The following SPTLC3 variants were observed in gnomAD, a reference collection of about 807,000 sequenced individuals.
SPTLC3 encodes the protein serine palmitoyltransferase long chain base subunit 3.
In SPTLC3, 36 loss-of-function variants were observed where a neutral mutation model predicts 59.3. The observed-to-expected ratio is 0.61, with a 90% confidence interval of 0.47 to 0.80. The LOEUF (loss-of-function observed/expected upper bound fraction) is 0.80, where lower values mean the gene tolerates loss of function less well. SPTLC3 is among the 30% of genes least tolerant of loss of function. The probability of loss-of-function intolerance (pLI) is 0.00; values close to 1 mark genes in which losing one functional copy is unlikely to be tolerated. For missense variants in SPTLC3, 625 were observed against 685.1 expected, an observed-to-expected ratio of 0.91 and a Z score of 0.98; for synonymous variants, 257 against 240.8, an observed-to-expected ratio of 1.07 and a Z score of -0.62.
chr20:13,114,561 A>G (rs1990429016), intron 7 of SPTLC3, among the ~76,000 whole-genome samples: 1 of 152,222 alleles, frequency 6.6e-6, no homozygotes. Context: ...TCAGAATACC[A>G]TTTACTCTAA....
chr20:13,116,185 G>T (rs1262056016), intron 7 of SPTLC3, among the ~76,000 whole-genome samples: 1 of 152,108 alleles, frequency 6.6e-6, no homozygotes, highest in Non-Finnish European at 1.5e-5. Context: ...CAGCTGGACT[G>T]TTTTGACTGA....
At position 13,168,576 on chromosome 20, in the gene SPTLC3, G is replaced by A. The variant is rs2039013539; in HGVS notation, c.*3709G>A. ...TTATTCCAACAACAGCTCTTCAGTA[G>A]GGTAAAAGTCTTAACAGTTCTTCAA... On this transcript the variant is annotated 3_prime_UTR_variant, in exon 12 of 12. Transcript: ENST00000399002. 6.6e-6 allele frequency: 1 copy of A among 152,130 alleles called. No individual in the cohort carries two copies. The highest frequency in any genetic ancestry group is 6.5e-5 in the Admixed American group (1 of 15,274). The allele number at this position is 152,130 out of a possible 1,614,324, so 9.4% of individuals were successfully genotyped here.
intron 5 of SPTLC3, among the ~76,000 whole-genome samples, chr20:13,093,228 T>A (rs1989291855): frequency 1.3e-5 from 2 of 152,244 alleles, no homozygotes; most frequent in African/African-American, 4.8e-5. Flanking sequence ...GGATCTTGGA[T>A]GAACTTCTCT....
chr20:13,102,523 T>C (rs1989640453), intron 6 of SPTLC3, among the ~76,000 whole-genome samples: 1 of 152,158 alleles, frequency 6.6e-6, no homozygotes, highest in Non-Finnish European at 1.5e-5. Flanking sequence ...CGCTACCTCC[T>C]TTCCTGGCCT....
chr20:13,155,999 C>T (rs1176331390), intron 10 of SPTLC3, among the ~76,000 whole-genome samples: 1 of 152,006 alleles, frequency 6.6e-6, no homozygotes, highest in Non-Finnish European at 1.5e-5. Flanking sequence ...GGGTTGACAA[C>T]AGTGATTGAA....
chr20:13,095,312 T>C (rs972589533), intron 6 of SPTLC3, among the ~76,000 whole-genome samples: 1 of 152,168 alleles, frequency 6.6e-6, no homozygotes, highest in African/African-American at 2.4e-5. Context: ...TGTTATCTCT[T>C]TGGAACAGAT....
At chr20:13,047,741 CAG>C (rs909145526) in intron 1 of SPTLC3, among the ~76,000 whole-genome samples, 7 of 151,978 alleles carry the variant, frequency 4.6e-5, no homozygotes, top group Admixed American at 2.6e-4. Context: ...TGAAATAAAA[CAG>C]AAAATTTTTT....
At position 13,049,036 on chromosome 20, in the gene SPTLC3, A is replaced by G; in HGVS notation, c.209A>G (p.Tyr70Cys). ...GTTATGGTTTTCACTTACATGGGATATGGAATTGGAACCCTGTTTGGCTAT... is the reference window on the plus strand; with the variant it reads ...GTTATGGTTTTCACTTACATGGGATGTGGAATTGGAACCCTGTTTGGCTAT... ...LHVMVFTYMG[Y>C]GIGTLFGYLR... The change falls in exon 2 of 12, where the codon TAT (tyrosine) becomes TGT (cysteine). Residue 70 changes from tyrosine to cysteine, a missense_variant. Physicochemically the swap from Tyr to Cys is radical, Grantham distance 194 (BLOSUM62 -2). Transcript: ENST00000399002. 5 of 1,613,838 alleles carry G rather than the reference A, an allele frequency of 3.1e-6. No homozygotes were observed. The highest frequency in any genetic ancestry group is 4.2e-6 in the Non-Finnish European group (5 of 1,179,852).
chr20:13,026,087 C>A (rs537606314), intron 1 of SPTLC3, among the ~76,000 whole-genome samples: 1 of 152,302 alleles, frequency 6.6e-6, no homozygotes, highest in South Asian at 2.1e-4. Flanking sequence ...CATAGTGTTC[C>A]ATGGTGTATG....
chr20:13,154,265 T>G, intron 10 of SPTLC3, 127 bp downstream of exon 10: 2 of 1,225,300 alleles, frequency 1.6e-6, no homozygotes, highest in South Asian at 1.5e-5. Flanking sequence ...TCGTACGGCT[T>G]CTCGGAAGCC....
At chr20:13,048,051 C>A (rs988350515) in intron 1 of SPTLC3, among the ~76,000 whole-genome samples, 11 of 152,090 alleles carry the variant, frequency 7.2e-5, no homozygotes, top group African/African-American at 2.7e-4. Context: ...GAATAACAGG[C>A]TTTAACTGAC....
chr20:13,025,601 A>C (rs1487205475), intron 1 of SPTLC3, among the ~76,000 whole-genome samples: 1 of 152,296 alleles, frequency 6.6e-6, no homozygotes, highest in East Asian at 1.9e-4. Flanking sequence ...AATTCTCTAC[A>C]AATGTGCACT....
At chr20:13,033,548 CT>C (rs1248898909) in intron 1 of SPTLC3, among the ~76,000 whole-genome samples, 5 of 152,146 alleles carry the variant, frequency 3.3e-5, no homozygotes, top group Non-Finnish European at 4.4e-5. Context: ...AGAACTCAGT[CT>C]TATGGCCACA....
chr20:13,053,300 G>A (rs942388848), intron 2 of SPTLC3, among the ~76,000 whole-genome samples: 1 of 152,140 alleles, frequency 6.6e-6, no homozygotes, highest in Admixed American at 6.5e-5. Context: ...GCAGCAGAGG[G>A]GCCTGACTGT....
At position 13,072,303 on chromosome 20, in the gene SPTLC3, C is replaced by T. The variant is rs1451295126; in HGVS notation, c.351C>T (p.Asn117=). The change falls in exon 3 of 12, where the codon AAC becomes AAT. Residue 117 remains asparagine (N), a synonymous_variant. Transcript: ENST00000399002. Reference sequence around the variant, plus strand: ...ACTTTGAAAATTTTTATACAAGAAACCTTTACATGCGAATCAGAGACAACT... The same window carrying T: ...ACTTTGAAAATTTTTATACAAGAAATCTTTACATGCGAATCAGAGACAACT... ...YQDFENFYTR[N]LYMRIRDNWN... is the part of the protein sequence containing the mutation. 5 of 1,613,718 alleles carry T rather than the reference C, an allele frequency of 3.1e-6. No homozygotes were observed. The highest frequency in any genetic ancestry group is 1.1e-5 in the South Asian group (1 of 91,032).
chr20:13,154,053 A>C lies in SPTLC3; in HGVS notation c.1330A>C (p.Arg444=). Residue 444 remains arginine, a synonymous_variant, in exon 10 of 12, where the codon AGA becomes CGA. Transcript: ENST00000399002. ...GAAAAACACAAGATACTTCAGACAAAGACTGCAGGAAATGGGATTCATTAT... is the reference window on the plus strand; with the variant it reads ...GAAAAACACAAGATACTTCAGACAACGACTGCAGGAAATGGGATTCATTAT... ...LAKNTRYFRQ[R]LQEMGFIIYG... is the part of the protein sequence containing the mutation. 6.2e-7 allele frequency: 1 copy of C among 1,614,152 alleles called. No individual in the cohort carries two copies. Among genetic ancestry groups the C allele is most frequent in the South Asian group, 1.1e-5 (1 of 91,078 alleles).
intron 6 of SPTLC3, among the ~76,000 whole-genome samples, chr20:13,102,639 A>T (rs1989643858): frequency 6.6e-6 from 1 of 152,164 alleles, no homozygotes; most frequent in East Asian, 1.9e-4. Context: ...TTGGTTAGGT[A>T]GATGCTGCCA....
intron 1 of SPTLC3, among the ~76,000 whole-genome samples, chr20:13,026,880 A>C (rs1054984383): frequency 2.0e-5 from 3 of 152,180 alleles, no homozygotes; most frequent in Non-Finnish European, 4.4e-5. Flanking sequence ...CCTAGTGGGC[A>C]TCAGGCCAAA....
Position 13,015,064 on chromosome 20 carries a change from T to C in SPTLC3, c.117+5680T>C, listed in dbSNP as rs189120355. On this transcript the variant is annotated intron_variant, in intron 1 of 11. Transcript: ENST00000399002. Reference sequence around the variant, plus strand: ...CAGATACGGTTTCTCCCAAACTGTGTAAGCTTTATTTATGGTGACTCTTAG... The same window carrying C: ...CAGATACGGTTTCTCCCAAACTGTGCAAGCTTTATTTATGGTGACTCTTAG... Among the ~76,000 whole-genome samples the C allele has an allele frequency of 2.0e-3, 305 of 152,324 alleles. 3 individuals carry two copies. The highest frequency in any genetic ancestry group is 7.0e-3 in the African/African-American group (293 of 41,568).
Sources: allele counts gnomAD v4.1 joint callset (sites outside exome capture counted in the v4.1 genomes callset), GRCh38; gene constraint gnomAD v4.1.1; transcripts MANE v1.5; gene names NCBI Gene and HGNC (gene_info 2026-07-23, HGNC 2026-07-21).